The following BMP2K variants were observed in gnomAD, a reference collection of about 807,000 sequenced individuals.
BMP2K encodes BMP2 inducible kinase.
A neutral mutation model predicts 116.0 loss-of-function variants in BMP2K; 74 were observed. The ratio of observed to expected loss-of-function variants is 0.64; its 90% CI spans 0.53 to 0.77. The LOEUF (loss-of-function observed/expected upper bound fraction) is 0.77, where lower values mean the gene tolerates loss of function less well. BMP2K is among the 30% of genes least tolerant of loss of function. BMP2K has a pLI of 0.00. For missense variants in BMP2K, 1,365 were observed against 1,403.6 expected (o/e 0.97, Z 0.44); for synonymous variants, 486 against 502.5 (o/e 0.97, Z 0.44).
chr4:78,809,986 C>T (rs574378301), intron 1 of BMP2K, among the ~76,000 whole-genome samples: 1 of 152,260 alleles, frequency 6.6e-6, no homozygotes, highest in Non-Finnish European at 1.5e-5. Context: ...ACTCTGGAAA[C>T]TGGATTCCTC....
chr4:78,810,200 A>G (rs1393563843), intron 1 of BMP2K, among the ~76,000 whole-genome samples: 1 of 152,190 alleles, frequency 6.6e-6, no homozygotes, highest in East Asian at 1.9e-4. Flanking sequence ...TGGGGCATGA[A>G]TTCAATACTC....
chr4:78,870,681 TA>T (rs1455315384), intron 10 of BMP2K, 101 bp from the exon 11 acceptor site: 3 of 1,432,000 alleles, frequency 2.1e-6, no homozygotes, highest in East Asian at 4.7e-5. Context: ...AATAAGGATA[TA>T]AATGCCTTAG....
intron 3 of BMP2K, among the ~76,000 whole-genome samples, chr4:78,835,496 G>T (rs1223672025): frequency 6.6e-6 from 1 of 151,868 alleles, no homozygotes; most frequent in Non-Finnish European, 1.5e-5. Context: ...GAGCGTTGTG[G>T]CAGGTGTTTG....
In BMP2K at chr4:78,833,676, A is replaced by C. The variant is rs761810376; in HGVS notation, c.392A>C (p.Glu131Ala). 1.9e-5 allele frequency: 31 copies of C among 1,601,070 alleles called. No individual in the cohort carries two copies. The highest frequency in any genetic ancestry group is 2.6e-5 in the Non-Finnish European group (31 of 1,175,214). ...DNVWEVLILMEYCRAGQVVNQ... is the reference protein window; with the variant it reads ...DNVWEVLILMAYCRAGQVVNQ... ...GTATGGGAAGTCCTTATCTTAATGG[A>C]ATATTGTCGAGGTAAGTATTTTTTT... The change falls in exon 3 of 16, where the codon GAA (glutamate) becomes GCA (alanine). Residue 131 changes from glutamate (E) to alanine (A), a missense_variant. Glu to Ala is a moderately radical substitution (Grantham distance 107). Coordinates refer to ENST00000502613, the MANE Select transcript of BMP2K (RefSeq NM_198892.2).
At chr4:78,909,782 C>A (rs1577986417) in intron 15 of BMP2K, among the ~76,000 whole-genome samples, 2 of 152,144 alleles carry the variant, frequency 1.3e-5, no homozygotes, top group Admixed American at 1.3e-4. Context: ...TGTTTACTTA[C>A]AACCTCTGAC....
chr4:78,829,402 G>GTTTTTTTTTTTT (rs79345386), intron 2 of BMP2K, among the ~76,000 whole-genome samples: 2 of 133,858 alleles, frequency 1.5e-5, no homozygotes, highest in Non-Finnish European at 3.4e-5. Flanking sequence ...ATAGTTTTTT[G>GTTTTTTTTTTTT]TTTTTTTTTT....
At chr4:78,834,231 A>T (rs2110012172) in intron 3 of BMP2K, among the ~76,000 whole-genome samples, 1 of 151,628 alleles carries the variant, frequency 6.6e-6, no homozygotes, top group African/African-American at 2.4e-5. Context: ...CTTAATCATC[A>T]TCATCATCAT....
At chr4:78,795,626 C>T (rs1198380970) in intron 1 of BMP2K, among the ~76,000 whole-genome samples, 15 of 152,114 alleles carry the variant, frequency 9.9e-5, no homozygotes, top group African/African-American at 2.7e-4. Flanking sequence ...AGAAAATTTT[C>T]GCAACCTACT....
At chr4:78,864,928 A>G (rs1731970083) in intron 9 of BMP2K, among the ~76,000 whole-genome samples, 1 of 152,080 alleles carries the variant, frequency 6.6e-6, no homozygotes. Context: ...TTGTTTCTTG[A>G]TTTCAAAACT....
In BMP2K at chr4:78,870,942, A is replaced by C; in HGVS notation, c.1391A>C (p.Gln464Pro). ...CGTCATCCTCACCAGCAGCAGCAGCAGCAGCAGCAGCAACAGCAACAGCAG... is the reference window on the plus strand; with the variant it reads ...CGTCATCCTCACCAGCAGCAGCAGCCGCAGCAGCAGCAACAGCAACAGCAG... ...QHRHPHQQQQ[Q>P]QQQQQQQQQQ... Residue 464 changes from glutamine to proline, a missense_variant, in exon 11 of 16, where the codon CAG becomes CCG. Coordinates refer to ENST00000502613, the MANE Select transcript of BMP2K (RefSeq NM_198892.2). 6.2e-7 allele frequency: 1 copy of C among 1,609,524 alleles called. No homozygotes were observed. Among genetic ancestry groups the C allele is most frequent in the Non-Finnish European group, 8.5e-7 (1 of 1,179,174 alleles).
In BMP2K at chr4:78,794,210, G is replaced by C. The variant is rs114563984; in HGVS notation, c.178+17489G>C. Among the ~76,000 whole-genome samples the C allele has an allele frequency of 4.6e-3, 690 of 150,992 alleles. 2 individuals carry two copies. The highest frequency in any genetic ancestry group is 0.016 in the African/African-American group (653 of 41,410). ...GGGGGAATCCCTTTCTGACAATTTG[G>C]TAGGCTGAGTGAAATCTGTGTTGCT... On this transcript the variant is annotated intron_variant, in intron 1 of 15. Transcript: ENST00000502613.
At chr4:78,847,332 A>AT (rs1472430987) in intron 6 of BMP2K, 63 bp downstream of exon 6, 1 of 1,261,710 alleles carries the variant, frequency 7.9e-7, no homozygotes, top group Non-Finnish European at 1.1e-6. Context: ...TCAGTTTATT[A>AT]TTTTTTACTC....
At chr4:78,819,124 G>A (rs886583143) in intron 1 of BMP2K, among the ~76,000 whole-genome samples, 12 of 152,194 alleles carry the variant, frequency 7.9e-5, no homozygotes, top group African/African-American at 1.7e-4. Flanking sequence ...AAAATGTTCC[G>A]CTAAATTTCT....
At chr4:78,872,415 C>T (rs2110060659) in intron 12 of BMP2K, 199 bp from the exon 13 acceptor site, 2 of 419,022 alleles carry the variant, frequency 4.8e-6, no homozygotes, top group Middle Eastern at 7.2e-4. Context: ...CCAAGTGAGC[C>T]TACCTTTACA....
chr4:78,856,593 G>A (rs1364290948), intron 7 of BMP2K, among the ~76,000 whole-genome samples: 3 of 151,778 alleles, frequency 2.0e-5, no homozygotes. Context: ...TTCTACCTGT[G>A]GGTTTTAGGT....
In BMP2K at chr4:78,878,720, A is replaced by G. The variant is rs767371636; in HGVS notation, c.1794-14A>G. On this transcript the variant is annotated splice_polypyrimidine_tract_variant and intron_variant, in intron 13 of 15. Transcript: ENST00000502613. The stretch of plus-strand genomic sequence containing the variant: ...CTTTCCATCTTCTTTTTTCTTACTC[A>G]ATTATTACTATAGGTCAGTTGCTGA... 35 of 1,566,394 alleles carry G rather than the reference A, an allele frequency of 2.2e-5. No individual in the cohort carries two copies. The highest frequency in any genetic ancestry group is 1.7e-4 in the Middle Eastern group (1 of 5,796).
intron 1 of BMP2K, among the ~76,000 whole-genome samples, chr4:78,824,745 G>C (rs1471600093): frequency 1.3e-5 from 2 of 152,066 alleles, no homozygotes; most frequent in Non-Finnish European, 2.9e-5. Flanking sequence ...TTAAATTAAT[G>C]CAAGTGACAT....
Position 78,887,226 on chromosome 4 carries a change from T to A in BMP2K, c.2004T>A (p.Ala668=). ...SSDKNVDSLS[A]PHNHPPEDPF... ...ATAAGAATGTAGACTCACTTTCTGC[T>A]CCACATAACCATCCTCCAGAAGATC... is the stretch of plus-strand genomic sequence containing the variant. Residue 668 remains alanine (A), a synonymous_variant, in exon 15 of 16, where the codon GCT becomes GCA. Coordinates refer to ENST00000502613, the MANE Select transcript of BMP2K (RefSeq NM_198892.2). 6.2e-7 allele frequency: 1 copy of A among 1,612,090 alleles called. No homozygotes were observed. The highest frequency in any genetic ancestry group is 2.2e-5 in the East Asian group (1 of 44,774).
At chr4:78,795,270 C>CT (rs1728197045) in intron 1 of BMP2K, among the ~76,000 whole-genome samples, 1 of 152,146 alleles carries the variant, frequency 6.6e-6, no homozygotes, top group South Asian at 2.1e-4. Context: ...TTCACAGACA[C>CT]TTATTAAAAT....
Sources: gnomAD v4.1 joint callset for allele counts (sites outside exome capture counted in the v4.1 genomes callset) on GRCh38, gnomAD v4.1.1 for gene constraint, MANE v1.5 for transcripts, NCBI Gene and HGNC (gene_info 2026-07-23, HGNC 2026-07-21) for gene names.